RAB7A: variants seen among roughly 807,000 people sequenced by gnomAD.
RAB7A encodes the protein RAB7A, member RAS oncogene family.
Under a neutral mutation model 24.5 loss-of-function variants are expected in RAB7A, and 2 were observed. The observed-to-expected ratio is 0.08, with a 90% confidence interval of 0.03 to 0.26. RAB7A has a LOEUF of 0.26. Among genes scored for constraint, RAB7A ranks in the 10% least tolerant of loss-of-function variants. RAB7A has a pLI of 1.00. For missense variants in RAB7A, 118 were observed against 255.7 expected (o/e 0.46, Z 3.67); for synonymous variants, 100 against 95.9 (o/e 1.04, Z -0.25).
intron 5 of RAB7A, among the ~76,000 whole-genome samples, chr3:128,811,064 A>C (rs902695264): frequency 2.0e-5 from 3 of 152,056 alleles, no homozygotes; most frequent in East Asian, 1.9e-4. Flanking sequence ...CAAAAAAAAA[A>C]ACAAAACATT....
chr3:128,749,591 T>A (rs1412836125), intron 1 of RAB7A: 1 of 152,206 alleles, frequency 6.6e-6, no homozygotes, highest in East Asian at 1.9e-4. Flanking sequence ...TTCCTATTTG[T>A]TGTGGGAGGG....
chr3:128,813,623 C>T lies in RAB7A; in HGVS notation c.*201C>T, dbSNP rs138714412. 2 of 613,930 alleles carry T rather than the reference C, an allele frequency of 3.3e-6. No homozygotes were observed. The highest frequency in any genetic ancestry group is 1.8e-5 in the African/African-American group (1 of 54,758). 38.0% of individuals were successfully genotyped at this position (613,930 alleles called of 1,614,324 possible). On this transcript the variant is annotated 3_prime_UTR_variant, in exon 6 of 6. Transcript: ENST00000265062. ...CACACGCACACACACACACACAGAT[C>T]TGACGTAATCAAACTCCAGCCCTTG... is the stretch of plus-strand genomic sequence containing the variant.
At chr3:128,786,370 T>G (rs1441224555) in intron 1 of RAB7A, among the ~76,000 whole-genome samples, 2 of 152,112 alleles carry the variant, frequency 1.3e-5, no homozygotes, top group Non-Finnish European at 2.9e-5. Context: ...TGCAGTAGTA[T>G]TATGTGACTT....
intron 1 of RAB7A, among the ~76,000 whole-genome samples, chr3:128,729,290 G>C (rs2070410221): frequency 6.6e-6 from 1 of 152,150 alleles, no homozygotes; most frequent in Non-Finnish European, 1.5e-5. Flanking sequence ...TATGTCTTCA[G>C]CTGGGCACGG....
Position 128,796,613 on chromosome 3 carries a change from GC to G in RAB7A, c.53+1195del, listed in dbSNP as rs540727024. Among the ~76,000 whole-genome samples the G allele has an allele frequency of 9.0e-4, 137 of 152,294 alleles. 1 individual carries two copies. The highest frequency in any genetic ancestry group is 3.1e-3 in the African/African-American group (130 of 41,566). Reference sequence around the variant, plus strand: ...AAGTCCCCTGCCCTTCCTTTGAAAAGCCAGAGGTTTTTCTGTCTTGACTGGC... The same window carrying G: ...AAGTCCCCTGCCCTTCCTTTGAAAAGCAGAGGTTTTTCTGTCTTGACTGGC... On this transcript the variant is annotated intron_variant, in intron 2 of 5. Transcript: ENST00000265062.
intron 5 of RAB7A, 57 bp from the exon 6 acceptor site, chr3:128,813,270 A>T: frequency 6.6e-7 from 1 of 1,514,794 alleles, no homozygotes; most frequent in Admixed American, 1.7e-5. Context: ...GCCCGCAATG[A>T]GGGCTGAAAT....
intron 1 of RAB7A, among the ~76,000 whole-genome samples, chr3:128,790,797 A>G (rs1933438722): frequency 6.6e-6 from 1 of 152,140 alleles, no homozygotes; most frequent in African/African-American, 2.4e-5. Context: ...GTCTCTTGTC[A>G]TTTGTGTTTT....
rs1043805914 is a variant in RAB7A at position 128,733,932 on chromosome 3, C to T, written c.-9+7573C>T. Among the ~76,000 whole-genome samples, 3 of 152,204 alleles carry T rather than the reference C, an allele frequency of 2.0e-5. No homozygotes were observed. In the East Asian group the frequency reaches 5.8e-4, roughly 29 times the overall value. On this transcript the variant is annotated intron_variant, in intron 1 of 5. Transcript: ENST00000265062. ...GCAGTATATAAGAAGTCCAAATATT[C>T]CACATCCTTGCTAGCACTTGTAACT...
intron 1 of RAB7A, among the ~76,000 whole-genome samples, chr3:128,783,169 T>C (rs904338070): frequency 1.3e-5 from 2 of 152,134 alleles, no homozygotes; most frequent in South Asian, 4.1e-4. Context: ...AATTTGGGGA[T>C]GAAGGAGAGA....
chr3:128,747,540 C>T (rs2070630371), intron 1 of RAB7A, among the ~76,000 whole-genome samples: 1 of 151,196 alleles, frequency 6.6e-6, no homozygotes, highest in Non-Finnish European at 1.5e-5. Flanking sequence ...GAGCCGAGAT[C>T]ACGCCATTGC....
intron 1 of RAB7A, among the ~76,000 whole-genome samples, chr3:128,791,367 C>T (rs753548254): frequency 6.6e-6 from 1 of 152,136 alleles, no homozygotes; most frequent in Admixed American, 6.5e-5. Flanking sequence ...TCTCGAACTC[C>T]TGGCCTCAGG....
chr3:128,743,612 C>T (rs1381602887), intron 1 of RAB7A, among the ~76,000 whole-genome samples: 4 of 152,078 alleles, frequency 2.6e-5, no homozygotes, highest in Admixed American at 2.0e-4. Flanking sequence ...ACTAAAGGAA[C>T]CACAGATGAA....
chr3:128,753,509 A>G (rs1040553890), intron 1 of RAB7A, among the ~76,000 whole-genome samples: 1 of 152,244 alleles, frequency 6.6e-6, no homozygotes, highest in Non-Finnish European at 1.5e-5. Flanking sequence ...AAACATCCTC[A>G]GATGTCTTAG....
At chr3:128,805,421 AC>A (rs1933783527) in intron 3 of RAB7A, among the ~76,000 whole-genome samples, 1 of 152,020 alleles carries the variant, frequency 6.6e-6, no homozygotes, top group African/African-American at 2.4e-5. Flanking sequence ...AGTGCCTGTT[AC>A]GGATCTAGGG....
At chr3:128,774,730 G>T (rs1349361056) in intron 1 of RAB7A, among the ~76,000 whole-genome samples, 2 of 151,998 alleles carry the variant, frequency 1.3e-5, no homozygotes, top group African/African-American at 4.8e-5. Context: ...CCGCCACCAC[G>T]CCCAGCTAAT....
intron 1 of RAB7A, chr3:128,765,023 C>A: frequency 6.6e-7 from 1 of 1,520,310 alleles, no homozygotes; most frequent in Non-Finnish European, 9.0e-7. Context: ...GTCATGGCAG[C>A]AACTAAGGAG....
intron 1 of RAB7A, among the ~76,000 whole-genome samples, chr3:128,774,823 C>A (rs921903591): frequency 6.6e-6 from 1 of 152,168 alleles, no homozygotes; most frequent in Non-Finnish European, 1.5e-5. Flanking sequence ...CCGCCCACCT[C>A]GGCCTCCCAA....
chr3:128,798,027 G>T lies in RAB7A; in HGVS notation c.138G>T (p.Leu46=). ...QYKATIGADF[L]TKEVMVDDRL... ...AAGCCACAATAGGAGCTGACTTTCT[G>T]ACCAAGGAGGTGATGGTGGATGACA... The change falls in exon 3 of 6, where the codon CTG becomes CTT. Residue 46 remains leucine (L), a synonymous_variant. Coordinates refer to ENST00000265062, the MANE Select transcript of RAB7A (RefSeq NM_004637.6). 6.2e-7 allele frequency: 1 copy of T among 1,614,108 alleles called. No homozygotes were observed. Among genetic ancestry groups the T allele is most frequent in the South Asian group, 1.1e-5 (1 of 91,064 alleles).
At chr3:128,779,360 A>T (rs971807733) in intron 1 of RAB7A, among the ~76,000 whole-genome samples, 2 of 151,888 alleles carry the variant, frequency 1.3e-5, no homozygotes, top group African/African-American at 4.8e-5. Context: ...GTGAGCCGAG[A>T]TCACGCCACT....
Sources: gnomAD v4.1 joint callset for allele counts (sites outside exome capture counted in the v4.1 genomes callset) on GRCh38, gnomAD v4.1.1 for gene constraint, MANE v1.5 for transcripts, NCBI Gene and HGNC (gene_info 2026-07-23, HGNC 2026-07-21) for gene names.